SBF2: variants seen among roughly 807,000 people sequenced by gnomAD.
SBF2 encodes myotubularin-related protein 13.
SBF2 carries 112 observed loss-of-function variants against 225.2 expected under a neutral mutation model. The observed-to-expected ratio is 0.50, with a 90% confidence interval of 0.43 to 0.58. SBF2 has a LOEUF of 0.58. Ranked by LOEUF, SBF2 falls within the 20% of genes least tolerant of loss-of-function variation. The pLI, the probability that SBF2 is intolerant of heterozygous loss-of-function variation, is 0.00. For missense variants in SBF2, 1,996 were observed against 2,206.2 expected (o/e 0.90, Z 1.91); for synonymous variants, 763 against 773.3 (o/e 0.99, Z 0.22).
intron 15 of SBF2, among the ~76,000 whole-genome samples, chr11:9,963,007 T>C (rs1012099655): frequency 1.3e-5 from 2 of 152,182 alleles, no homozygotes; most frequent in African/African-American, 4.8e-5. Flanking sequence ...TTCAGAACTA[T>C]GACAATGAGT....
intron 1 of SBF2, among the ~76,000 whole-genome samples, chr11:10,232,942 T>C (rs1201317130): frequency 1.3e-5 from 2 of 152,212 alleles, no homozygotes; most frequent in African/African-American, 4.8e-5. Flanking sequence ...GATAAATTTG[T>C]GCTGTTTCAT....
chr11:10,117,846 T>C (rs1341951744), intron 2 of SBF2, among the ~76,000 whole-genome samples: 1 of 152,124 alleles, frequency 6.6e-6, no homozygotes, highest in African/African-American at 2.4e-5. Context: ...GAATGCTGTA[T>C]TCTCTAAGGA....
intron 16 of SBF2, among the ~76,000 whole-genome samples, chr11:9,943,404 A>AT (rs1406801672): frequency 6.6e-6 from 1 of 152,180 alleles, no homozygotes; most frequent in African/African-American, 2.4e-5. Context: ...AATTACAAAC[A>AT]TATTTGCCAA....
At chr11:10,092,502 C>G (rs1010149261) in intron 2 of SBF2, among the ~76,000 whole-genome samples, 13 of 152,086 alleles carry the variant, frequency 8.5e-5, no homozygotes, top group African/African-American at 2.9e-4. Context: ...TTTTCCCATA[C>G]GATTATCAGA....
chr11:10,221,194 T>C (rs1958327813), intron 1 of SBF2, among the ~76,000 whole-genome samples: 1 of 152,152 alleles, frequency 6.6e-6, no homozygotes, highest in African/African-American at 2.4e-5. Context: ...ATCAGCTCAT[T>C]GCAGCCTCTG....
intron 1 of SBF2, among the ~76,000 whole-genome samples, chr11:10,281,302 A>T (rs949751418): frequency 6.6e-6 from 1 of 152,194 alleles, no homozygotes; most frequent in Non-Finnish European, 1.5e-5. Flanking sequence ...ACTTGGCCCA[A>T]GATGGCTGCT....
intron 6 of SBF2, 85 bp from the exon 7 acceptor site, chr11:10,002,774 A>C (rs2134514957): frequency 7.5e-7 from 1 of 1,328,038 alleles, no homozygotes; most frequent in Middle Eastern, 1.9e-4. Context: ...ACGGAAAGAA[A>C]AAGCCAGTAA....
At chr11:10,177,290 G>C (rs1411110232) in intron 2 of SBF2, among the ~76,000 whole-genome samples, 1 of 149,428 alleles carries the variant, frequency 6.7e-6, no homozygotes, top group African/African-American at 2.4e-5. Flanking sequence ...ACAAGACAGG[G>C]ATGCCCTCTC....
At chr11:9,961,831 T>C (rs1402713201) in intron 16 of SBF2, 126 bp downstream of exon 16, 4 of 731,454 alleles carry the variant, frequency 5.5e-6, no homozygotes, top group Non-Finnish European at 8.9e-6. Context: ...ATGATAGAGA[T>C]ACTGACGCTT....
chr11:9,995,058 A>T (rs1947633081), intron 9 of SBF2, among the ~76,000 whole-genome samples: 1 of 152,084 alleles, frequency 6.6e-6, no homozygotes. Flanking sequence ...AAAAAATAAA[A>T]ATTACTGAGG....
At chr11:10,300,029 A>G (rs1342067694) in intron 1 of SBF2, among the ~76,000 whole-genome samples, 1 of 152,128 alleles carries the variant, frequency 6.6e-6, no homozygotes, top group African/African-American at 2.4e-5. Context: ...CCTATCAAAC[A>G]GGACTCCTTT....
chr11:10,092,371 AAAG>A (rs1171236713), intron 2 of SBF2, among the ~76,000 whole-genome samples: 3 of 152,190 alleles, frequency 2.0e-5, no homozygotes, highest in Non-Finnish European at 4.4e-5. Flanking sequence ...TTTACCCTAA[AAAG>A]AAGGACTCTG....
chr11:10,102,278 C>G (rs1381712668), intron 2 of SBF2, among the ~76,000 whole-genome samples: 1 of 152,178 alleles, frequency 6.6e-6, no homozygotes, highest in African/African-American at 2.4e-5. Flanking sequence ...CCCAGCTATG[C>G]TGGAAAGAGT....
At chr11:10,099,156 A>G (rs1233495080) in intron 2 of SBF2, among the ~76,000 whole-genome samples, 1 of 152,156 alleles carries the variant, frequency 6.6e-6, no homozygotes, top group Non-Finnish European at 1.5e-5. Flanking sequence ...AATTACACTA[A>G]GACATGTGCT....
intron 2 of SBF2, among the ~76,000 whole-genome samples, chr11:10,172,143 G>T (rs991311193): frequency 6.6e-6 from 1 of 151,694 alleles, no homozygotes. Context: ...TTTCTGCTCC[G>T]ATCTTTATTA....
chr11:10,153,087 T>C (rs982840571), intron 2 of SBF2, among the ~76,000 whole-genome samples: 1 of 152,198 alleles, frequency 6.6e-6, no homozygotes, highest in African/African-American at 2.4e-5. Flanking sequence ...ATTCTGTAGA[T>C]AGTGGGATGT....
intron 12 of SBF2, among the ~76,000 whole-genome samples, chr11:9,990,424 G>GTTA (rs1285908231): frequency 6.6e-6 from 1 of 152,218 alleles, no homozygotes; most frequent in Non-Finnish European, 1.5e-5. Flanking sequence ...ACACCCCATT[G>GTTA]TGGTAGGCTG....
At chr11:10,209,408 T>C (rs1054089366) in intron 1 of SBF2, among the ~76,000 whole-genome samples, 1 of 152,070 alleles carries the variant, frequency 6.6e-6, no homozygotes, top group Non-Finnish European at 1.5e-5. Context: ...GTGTGTTTTC[T>C]GCTCAACTCT....
intron 2 of SBF2, among the ~76,000 whole-genome samples, chr11:10,113,239 C>T (rs112609411): frequency 1.1e-3 from 174 of 152,300 alleles, no homozygotes; most frequent in African/African-American, 4.0e-3. Flanking sequence ...AGCAGTCCTC[C>T]GAAATCAATC....
Sources: gnomAD v4.1 joint callset for allele counts (sites outside exome capture counted in the v4.1 genomes callset) on GRCh38, gnomAD v4.1.1 for gene constraint, MANE v1.5 for transcripts, NCBI Gene and HGNC (gene_info 2026-07-23, HGNC 2026-07-21) for gene names.